Variants in PCSK5 observed in about 807,000 individuals in gnomAD.
The protein encoded by PCSK5 is prohormone convertase 5.
Under a neutral mutation model 233.2 loss-of-function variants are expected in PCSK5, and 129 were observed. The ratio of observed to expected loss-of-function variants is 0.55; its 90% CI spans 0.48 to 0.64. The LOEUF (loss-of-function observed/expected upper bound fraction) is 0.64, where lower values mean the gene tolerates loss of function less well. Among genes scored for constraint, PCSK5 ranks in the 30% least tolerant of loss-of-function variants. The pLI, the probability that PCSK5 is intolerant of heterozygous loss-of-function variation, is 0.00. For missense variants in PCSK5, 2,076 were observed against 2,430.1 expected (o/e 0.85, Z 3.06); for synonymous variants, 825 against 879.2 (o/e 0.94, Z 1.09).
chr9:76,116,282 G>C (rs940258686), intron 9 of PCSK5, among the ~76,000 whole-genome samples: 1 of 152,070 alleles, frequency 6.6e-6, no homozygotes, highest in Admixed American at 6.6e-5. Context: ...AACACAAAAA[G>C]AAAGACATTG....
chr9:76,338,619 T>C (rs1227933074), intron 35 of PCSK5, among the ~76,000 whole-genome samples, 172 bp downstream of exon 35: 1 of 151,846 alleles, frequency 6.6e-6, no homozygotes, highest in Non-Finnish European at 1.5e-5. Context: ...TTCCACATCT[T>C]CCCTCTAACC....
intron 9 of PCSK5, among the ~76,000 whole-genome samples, chr9:76,123,806 T>G (rs1367483329): frequency 2.0e-5 from 3 of 152,230 alleles, no homozygotes; most frequent in Admixed American, 1.3e-4. Flanking sequence ...ATCTTCTGTA[T>G]TCACTCATGA....
rs1467709175 is a variant in PCSK5 at position 75,902,229 on chromosome 9, A to T, written c.192+10856A>T. On this transcript the variant is annotated intron_variant, in intron 1 of 37. Transcript: ENST00000674117. ...AGACACCATCTAAAAAAAAAAAAAA[A>T]AAAAAAAAAAAAAAGAAAAGGACAA... Among the ~76,000 whole-genome samples the T allele has an allele frequency of 2.9e-4, 35 of 121,922 alleles. 1 individual carries two copies. In the South Asian group the frequency reaches 8.3e-3, roughly 29 times the overall value. The allele number at this position is 121,922 out of a possible 152,430, so 80.0% of individuals were successfully genotyped here.
chr9:76,247,841 A>G (rs1339479133), intron 24 of PCSK5, among the ~76,000 whole-genome samples: 1 of 151,762 alleles, frequency 6.6e-6, no homozygotes, highest in African/African-American at 2.4e-5. Context: ...CTGGAGTGCA[A>G]CGGCGTGATC....
chr9:75,906,362 A>G (rs1320593359), intron 1 of PCSK5, among the ~76,000 whole-genome samples: 1 of 152,084 alleles, frequency 6.6e-6, no homozygotes, highest in African/African-American at 2.4e-5. Context: ...AGTGGCTGAG[A>G]TTACAGGTGT....
intron 35 of PCSK5, among the ~76,000 whole-genome samples, chr9:76,345,829 C>T (rs1829965483): frequency 6.6e-6 from 1 of 152,134 alleles, no homozygotes; most frequent in East Asian, 1.9e-4. Context: ...AAGCAATTCT[C>T]CTGTCTCAGC....
At chr9:76,009,236 A>T (rs989266893) in intron 3 of PCSK5, among the ~76,000 whole-genome samples, 1 of 152,214 alleles carries the variant, frequency 6.6e-6, no homozygotes, top group African/African-American at 2.4e-5. Flanking sequence ...AAATGTGAGG[A>T]TAACAAAAAA....
intron 2 of PCSK5, among the ~76,000 whole-genome samples, chr9:75,980,859 C>T (rs1340353936): frequency 6.6e-6 from 1 of 151,806 alleles, no homozygotes; most frequent in Non-Finnish European, 1.5e-5. Context: ...CATGTCAGTA[C>T]TAAAACGTTT....
intron 12 of PCSK5, 134 bp downstream of exon 12, chr9:76,159,305 A>C: frequency 1.4e-6 from 1 of 712,520 alleles, no homozygotes; most frequent in Non-Finnish European, 2.3e-6. Context: ...TCAGGATCTC[A>C]CTGCTCATAA....
At chr9:76,074,359 A>G (rs1830573588) in intron 7 of PCSK5, among the ~76,000 whole-genome samples, 1 of 152,212 alleles carries the variant, frequency 6.6e-6, no homozygotes. Flanking sequence ...ACTTAGGGAA[A>G]AAAAGGAATT....
intron 1 of PCSK5, among the ~76,000 whole-genome samples, chr9:75,924,605 C>T (rs1823397810): frequency 6.6e-6 from 1 of 152,014 alleles, no homozygotes; most frequent in South Asian, 2.1e-4. Flanking sequence ...TTGCCCCCGC[C>T]CCCCACTCCC....
rs140709872 is a variant in PCSK5 at position 76,332,558 on chromosome 9, C to G, written c.4696C>G (p.Arg1566Gly). 3.1e-6 allele frequency: 5 copies of G among 1,610,984 alleles called. No homozygotes were observed. The South Asian group carries it at 4.4e-5, about 14-fold the overall frequency. The change falls in exon 34 of 38, where the codon CGA (arginine) becomes GGA (glycine). Residue 1566 changes from arginine to glycine, a missense_variant. Arg to Gly is a moderately radical substitution (Grantham distance 125). Around this residue, in one of 6 missense-constraint regions of PCSK5, gnomAD observed 1,510 missense variants for 1,538.1 expected, o/e 0.98. Coordinates refer to ENST00000674117, the MANE Select transcript of PCSK5 (RefSeq NM_001372043.1). ...ACACAGCAGGCAGTGCCACTCCTGC[C>G]GACCGGGCTGGTTCCAGCTAGGAAA... ...GRHSRQCHSC[R>G]PGWFQLGKEC...
intron 6 of PCSK5, among the ~76,000 whole-genome samples, chr9:76,068,787 T>C (rs1830378426): frequency 6.6e-6 from 1 of 152,182 alleles, no homozygotes; most frequent in African/African-American, 2.4e-5. Context: ...TGGATCCTCA[T>C]GATTTTATCA....
At position 76,346,065 on chromosome 9, in the gene PCSK5, T is replaced by C. The variant is rs138132807; in HGVS notation, c.4967-4763T>C. 6.2e-3 allele frequency among the ~76,000 whole-genome samples: 943 copies of C among 152,322 alleles called. 6 individuals carry two copies. The highest frequency in any genetic ancestry group is 0.011 in the Admixed American group (170 of 15,300). On this transcript the variant is annotated intron_variant, in intron 35 of 37. Coordinates refer to ENST00000674117, the MANE Select transcript of PCSK5 (RefSeq NM_001372043.1). Reference sequence around the variant, plus strand: ...TTAATCCATCTTGAGTTATCACCTATATGGTGACAGGTAGGGATCCAGTTT... The same window carrying C: ...TTAATCCATCTTGAGTTATCACCTACATGGTGACAGGTAGGGATCCAGTTT...
chr9:76,272,670 G>A (rs1324059977), intron 24 of PCSK5, among the ~76,000 whole-genome samples: 1 of 150,412 alleles, frequency 6.6e-6, no homozygotes, highest in Non-Finnish European at 1.5e-5. Context: ...AGCTACTCGG[G>A]AGGCTGAGGC....
At chr9:75,960,728 T>C (rs4745478) in intron 2 of PCSK5, among the ~76,000 whole-genome samples, 134,278 of 152,198 alleles carry the variant, frequency 0.88, 59,426 homozygotes, top group Non-Finnish European at 0.92. Flanking sequence ...GTGCTCTACT[T>C]ATTAACATTC....
intron 3 of PCSK5, among the ~76,000 whole-genome samples, chr9:75,989,127 AGGACTTTCAGATCTGCAGATCTGGAT>A: frequency 6.6e-6 from 1 of 152,218 alleles, no homozygotes; most frequent in Non-Finnish European, 1.5e-5. Context: ...AGAACGAGTC[AGGACTTTCAGATCTGCAGATCTGGAT>A]GCCCATCCCC....
intron 3 of PCSK5, among the ~76,000 whole-genome samples, chr9:75,993,767 A>G (rs921018069): frequency 6.6e-6 from 1 of 152,180 alleles, no homozygotes; most frequent in African/African-American, 2.4e-5. Context: ...CTTCCAAGAG[A>G]CTTGCTTTAG....
intron 35 of PCSK5, among the ~76,000 whole-genome samples, chr9:76,348,578 A>G (rs1830037477): frequency 6.6e-6 from 1 of 152,160 alleles, no homozygotes; most frequent in African/African-American, 2.4e-5. Flanking sequence ...AGCCTGGGCA[A>G]CAGAGCAAGA....
Sources: gnomAD v4.1 joint callset for allele counts (sites outside exome capture counted in the v4.1 genomes callset) on GRCh38, gnomAD v4.1.1 for gene constraint, gnomAD v4.1.1 regional missense constraint, MANE v1.5 for transcripts, NCBI Gene and HGNC (gene_info 2026-07-23, HGNC 2026-07-21) for gene names.